Variants in APMAP observed in about 807,000 individuals in gnomAD.
APMAP encodes adipocyte plasma membrane associated protein.
APMAP carries 33 observed loss-of-function variants against 43.6 expected under a neutral mutation model. The observed-to-expected ratio is 0.76, with a 90% CI of 0.57 to 1.01. The LOEUF (loss-of-function observed/expected upper bound fraction) is 1.01, where lower values mean the gene tolerates loss of function less well. Ranked by LOEUF, APMAP falls within the 50% of genes least tolerant of loss-of-function variation. APMAP has a pLI of 0.00. For missense variants in APMAP, 498 were observed against 540.7 expected (o/e 0.92, Z 0.78); for synonymous variants, 224 against 216.7 (o/e 1.03, Z -0.30).
chr20:24,965,701 A>G (rs935083644), intron 8 of APMAP, among the ~76,000 whole-genome samples: 1 of 152,218 alleles, frequency 6.6e-6, no homozygotes, highest in Admixed American at 6.5e-5. Context: ...GCACATGGTC[A>G]GGGAGGAAGG....
intron 1 of APMAP, among the ~76,000 whole-genome samples, chr20:24,990,020 AACAGTC>A (rs1357505507): frequency 7.2e-5 from 11 of 152,214 alleles, no homozygotes; most frequent in Non-Finnish European, 1.6e-4. Flanking sequence ...TGCATCCCTA[AACAGTC>A]ACATATGGAC....
chr20:24,978,896 C>T lies in APMAP; in HGVS notation c.213-14G>A. The T allele has an allele frequency of 1.3e-6, 2 of 1,585,978 alleles. No individual in the cohort carries two copies. The highest frequency in any genetic ancestry group is 1.7e-6 in the Non-Finnish European group (2 of 1,154,572). On this transcript the variant is annotated splice_polypyrimidine_tract_variant and intron_variant, in intron 2 of 8. Transcript: ENST00000217456. ...GGTTCTTTGAAGCTGCAAAATAATG[C>T]AATTCCAGAGATCTGTCTATAAATA... is the stretch of plus-strand genomic sequence containing the variant.
chr20:24,978,689 C>A, intron 3 of APMAP, 78 bp downstream of exon 3: 1 of 1,155,058 alleles, frequency 8.7e-7, no homozygotes, highest in Non-Finnish European at 1.3e-6. Context: ...CGTGCCACTG[C>A]AGCTGCTCCC....
intron 3 of APMAP, among the ~76,000 whole-genome samples, chr20:24,977,237 G>T (rs965003559): frequency 5.9e-5 from 9 of 152,242 alleles, no homozygotes; most frequent in African/African-American, 2.2e-4. Context: ...CCTTGTGGTG[G>T]GGGATGTTGA....
chr20:24,983,969 G>A lies in APMAP; in HGVS notation c.146C>T (p.Ser49Phe), dbSNP rs766770222. The A allele has an allele frequency of 3.5e-5, 57 of 1,614,042 alleles. No homozygotes were observed. In the Middle Eastern group the frequency reaches 4.9e-4, roughly 14 times the overall value. Residue 49 changes from serine (S) to phenylalanine (F), a missense_variant, in exon 2 of 9, where the codon TCT becomes TTT. Transcript: ENST00000217456. The part of the protein sequence containing the change: ...FRVTFLMLAV[S>F]LTVPLLGAMM... The stretch of plus-strand genomic sequence containing the variant: ...GGCTCCAAGCAGGGGAACGGTGAGA[G>A]AAACAGCCAGCATCAAGAAGGTCAC...
Position 24,971,488 on chromosome 20 carries a change from C to T in APMAP, c.510G>A (p.Lys170=). The change falls in exon 5 of 9, where the codon AAG becomes AAA. Residue 170 remains lysine, a synonymous_variant. Transcript: ENST00000217456. ...TCCAGGGATTTACTTCAAATAGTCCCTTGTATGCATCGGCCACAAAGAGAG... is the reference window on the plus strand; with the variant it reads ...TCCAGGGATTTACTTCAAATAGTCCTTTGTATGCATCGGCCACAAAGAGAG... ...NGTLFVADAY[K]GLFEVNPWKR... is the part of the protein sequence containing the mutation. 6.2e-7 allele frequency: 1 copy of T among 1,614,158 alleles called. No individual in the cohort carries two copies. The highest frequency in any genetic ancestry group is 8.5e-7 in the Non-Finnish European group (1 of 1,179,978).
intron 1 of APMAP, 97 bp downstream of exon 1, chr20:24,992,496 TC>T: frequency 1.0e-6 from 1 of 985,876 alleles, no homozygotes; most frequent in Non-Finnish European, 1.4e-6. Flanking sequence ...CGGCACCGCA[TC>T]CCCAGGTTAC....
chr20:24,985,748 G>A lies in APMAP; in HGVS notation c.96-1729C>T, dbSNP rs1020774493. ...TGAGGAGCAGCACAGAAAAAGCCTA[G>A]ATTTCCTTGAACACATTAGTAAAAC... On this transcript the variant is annotated intron_variant, in intron 1 of 8. Coordinates refer to ENST00000217456, the MANE Select transcript of APMAP (RefSeq NM_020531.3). Among the ~76,000 whole-genome samples the A allele has an allele frequency of 2.0e-5, 3 of 152,102 alleles. No homozygotes were observed. In the East Asian group the frequency reaches 5.8e-4, roughly 29 times the overall value.
intron 4 of APMAP, 58 bp downstream of exon 4, chr20:24,973,587 A>T (rs2088024238): frequency 6.5e-7 from 1 of 1,533,986 alleles, no homozygotes; most frequent in African/African-American, 1.4e-5. Context: ...CCACACAACG[A>T]TCCAACATCT....
chr20:24,984,823 T>C (rs1444434884), intron 1 of APMAP, among the ~76,000 whole-genome samples: 1 of 152,240 alleles, frequency 6.6e-6, no homozygotes, highest in Non-Finnish European at 1.5e-5. Flanking sequence ...ATTTGGCCTC[T>C]TGCTACTAAA....
Position 24,963,364 on chromosome 20 carries a change from CCCA to C in APMAP, c.*446_*448del, listed in dbSNP as rs753355857. On this transcript the variant is annotated 3_prime_UTR_variant, in exon 9 of 9. Transcript: ENST00000217456. ...GCCATGCTCCCTCTGCTCTTCCATC[CCCA>C]CCACAACGAAGAAAGGTATGACCGC... The C allele has an allele frequency of 6.1e-5, 11 of 179,004 alleles. No individual in the cohort carries two copies. Among genetic ancestry groups the C allele is most frequent in the Non-Finnish European group, 1.3e-4 (11 of 83,516 alleles). 11.1% of individuals were successfully genotyped at this position (179,004 alleles called of 1,614,324 possible).
chr20:24,978,871 G>A lies in APMAP; in HGVS notation c.224C>T (p.Pro75Leu). 1 of 1,613,558 alleles carries A rather than the reference G, an allele frequency of 6.2e-7. No individual in the cohort carries two copies. Among genetic ancestry groups the A allele is most frequent in the East Asian group, 2.2e-5 (1 of 44,872 alleles). ...ATGCAGAACACCAAGCAAGAGCGGG[G>A]GTTCTTTGAAGCTGCAAAATAATGC... Reference protein sequence around the residue: ...IDPQPLSFKEPPLLLGVLHPN... With the variant: ...IDPQPLSFKELPLLLGVLHPN... Residue 75 changes from proline (P) to leucine (L), a missense_variant, in exon 3 of 9, where the codon CCC (proline) becomes CTC (leucine). By Grantham distance (98) the Pro-to-Leu change is moderately conservative (BLOSUM62 -3). Coordinates refer to ENST00000217456, the MANE Select transcript of APMAP (RefSeq NM_020531.3).
At chr20:24,980,379 G>A (rs1042360139) in intron 2 of APMAP, among the ~76,000 whole-genome samples, 14 of 152,218 alleles carry the variant, frequency 9.2e-5, no homozygotes, top group African/African-American at 2.9e-4. Flanking sequence ...ACCCCACCTG[G>A]GGCAATTGGT....
At position 24,969,054 on chromosome 20, in the gene APMAP, C is replaced by G. The variant is rs764145408; in HGVS notation, c.879G>C (p.Gly293=). ...RVYVSGLMKG[G]ADLFVENMPG... ...GCATGTTCTCCACAAACAGATCAGC[C>G]CCGCCCTTCATCAGGCCAGAAACGT... Residue 293 remains glycine, a synonymous_variant, in exon 8 of 9, where the codon GGG becomes GGC. Coordinates refer to ENST00000217456, the MANE Select transcript of APMAP (RefSeq NM_020531.3). 8.7e-6 allele frequency: 14 copies of G among 1,611,418 alleles called. No individual in the cohort carries two copies. The Admixed American group carries it at 1.5e-4, about 17-fold the overall frequency.
intron 8 of APMAP, among the ~76,000 whole-genome samples, chr20:24,967,748 C>A (rs2122483482): frequency 6.6e-6 from 1 of 152,340 alleles, no homozygotes; most frequent in African/African-American, 2.4e-5. Flanking sequence ...CCCAGGATCC[C>A]ACAGCTGGTC....
chr20:24,974,421 T>C (rs1407640657), intron 3 of APMAP: 2 of 151,888 alleles, frequency 1.3e-5, no homozygotes, highest in South Asian at 4.1e-4. Context: ...GAGAGTAGAA[T>C]GCAAAAATAG....
At position 24,963,949 on chromosome 20, in the gene APMAP, G is replaced by C; in HGVS notation, c.1115C>G (p.Ala372Gly). Residue 372 changes from alanine to glycine, a missense_variant, in exon 9 of 9, where the codon GCC becomes GGC. Transcript: ENST00000217456. ...GGGATCATGCAGGCTTCTCCGGAAG[G>C]CACCGCTGTCGCTGAGTTCTAGGAC... The part of the protein sequence containing the change: ...SLVLELSDSG[A>G]FRRSLHDPDG... 1.2e-6 allele frequency: 2 copies of C among 1,614,218 alleles called. No homozygotes were observed. The highest frequency in any genetic ancestry group is 1.1e-5 in the South Asian group (1 of 91,080).
chr20:24,984,489 A>G (rs186731722), intron 1 of APMAP, among the ~76,000 whole-genome samples: 27 of 152,352 alleles, frequency 1.8e-4, no homozygotes, highest in Admixed American at 1.6e-3. Context: ...TAGAAGAGAC[A>G]GCTAAAGTCA....
At chr20:24,968,753 G>A (rs2087969320) in intron 8 of APMAP, 139 bp downstream of exon 8, 1 of 836,898 alleles carries the variant, frequency 1.2e-6, no homozygotes, top group Admixed American at 3.5e-5. Context: ...ATTTCAGGAT[G>A]AAGAATGAAA....
Sources: gnomAD v4.1 joint callset for allele counts (sites outside exome capture counted in the v4.1 genomes callset) on GRCh38, gnomAD v4.1.1 for gene constraint, MANE v1.5 for transcripts, NCBI Gene and HGNC (gene_info 2026-07-23, HGNC 2026-07-21) for gene names.